The following MALRD1 variants were observed in gnomAD, a reference collection of about 807,000 sequenced individuals.
MALRD1 encodes the protein MAM and LDL-receptor class A domain-containing protein 1.
In MALRD1, 247 loss-of-function variants were observed where a neutral mutation model predicts 242.1. That is an observed-to-expected ratio of 1.02 (90% CI 0.92 to 1.13). MALRD1 has a LOEUF of 1.13. Ranked by LOEUF, MALRD1 falls within the 50% of genes most tolerant of loss-of-function variation. The pLI, the probability that MALRD1 is intolerant of heterozygous loss-of-function variation, is 0.00. For synonymous variants in MALRD1, 995 were observed against 866.6 expected (o/e 1.15, Z -2.60); for missense variants, 2,989 against 2,533.1 (o/e 1.18, Z -3.86).
At chr10:19,237,563 T>C (rs942016516) in intron 18 of MALRD1, among the ~76,000 whole-genome samples, 3 of 121,838 alleles carry the variant, frequency 2.5e-5, no homozygotes, top group African/African-American at 9.3e-5. Context: ...TAATTACACA[T>C]AAAATTATAT....
At chr10:19,188,605 A>G (rs1245753370) in intron 14 of MALRD1, among the ~76,000 whole-genome samples, 1 of 151,992 alleles carries the variant, frequency 6.6e-6, no homozygotes, top group East Asian at 1.9e-4. Flanking sequence ...GTCTGGTTTT[A>G]TTTCTCAGTC....
At chr10:19,266,318 G>C (rs1049419401) in intron 19 of MALRD1, among the ~76,000 whole-genome samples, 5 of 151,560 alleles carry the variant, frequency 3.3e-5, no homozygotes, top group Non-Finnish European at 5.9e-5. Flanking sequence ...CTTCCATTGT[G>C]ATTTGATGAT....
chr10:19,507,789 T>A (rs1833208130), intron 31 of MALRD1, among the ~76,000 whole-genome samples: 1 of 152,184 alleles, frequency 6.6e-6, no homozygotes, highest in Non-Finnish European at 1.5e-5. Flanking sequence ...AATCACCACA[T>A]TGAAAATGTA....
At position 19,059,371 on chromosome 10, in the gene MALRD1, G is replaced by T. The variant is rs191612705; in HGVS notation, c.200-7348G>T. 1.9e-3 allele frequency among the ~76,000 whole-genome samples: 288 copies of T among 151,706 alleles called. 2 individuals are homozygous for T. The highest frequency in any genetic ancestry group is 6.5e-3 in the African/African-American group (270 of 41,250). On this transcript the variant is annotated intron_variant, in intron 1 of 39. Coordinates refer to ENST00000454679, the MANE Select transcript of MALRD1 (RefSeq NM_001142308.3). ...TTATGATTTCAACTTTTCTAAAATA[G>T]CATCTATTGTTTTTGGGGTTTTGTT...
At position 19,204,282 on chromosome 10, in the gene MALRD1, T is replaced by TTG. The variant is rs1836687189; in HGVS notation, c.2105-25_2105-24insGT. On this transcript the variant is annotated intron_variant, in intron 15 of 39. Transcript: ENST00000454679. ...TAGAATCCAATAGGTTAATGAAGCG[T>TTG]TTTTTTTTTTTTTTTATCTCAACAG... The TTG allele has an allele frequency of 1.3e-4, 42 of 312,150 alleles. No individual in the cohort carries two copies. In the South Asian group the frequency reaches 2.6e-3, roughly 19 times the overall value. The allele number at this position is 312,150 out of a possible 1,614,324, so 19.3% of individuals were successfully genotyped here. A position where few individuals can be genotyped will look rare whatever the true frequency, so the allele number is the denominator to read the frequency against.
intron 31 of MALRD1, among the ~76,000 whole-genome samples, chr10:19,509,924 G>GAT (rs1833316514): frequency 6.7e-6 from 1 of 149,548 alleles, no homozygotes; most frequent in East Asian, 2.0e-4. Flanking sequence ...GGGCCCAGGG[G>GAT]ACCGGCGCTC....
intron 36 of MALRD1, among the ~76,000 whole-genome samples, chr10:19,618,488 G>A (rs1452517774): frequency 6.6e-6 from 1 of 152,012 alleles, no homozygotes. Flanking sequence ...AACCTTGCTA[G>A]CATCTGATAT....
chr10:19,375,851 C>A (rs2130765893), intron 26 of MALRD1, among the ~76,000 whole-genome samples: 1 of 152,354 alleles, frequency 6.6e-6, no homozygotes, highest in East Asian at 1.9e-4. Flanking sequence ...CGGCCAGACA[C>A]ATTGGCTCAT....
chr10:19,117,640 A>G (rs1025960215), intron 5 of MALRD1, among the ~76,000 whole-genome samples: 2 of 152,204 alleles, frequency 1.3e-5, no homozygotes, highest in African/African-American at 2.4e-5. Flanking sequence ...TTTATTGCCA[A>G]CATTCCCTTA....
chr10:19,583,686 T>G (rs1589266656), intron 33 of MALRD1, among the ~76,000 whole-genome samples: 1 of 152,178 alleles, frequency 6.6e-6, no homozygotes, highest in Admixed American at 6.5e-5. Context: ...TAAAATTCTC[T>G]TTTTTGGTTG....
At chr10:19,446,977 A>G (rs1436928700) in intron 28 of MALRD1, among the ~76,000 whole-genome samples, 1 of 152,074 alleles carries the variant, frequency 6.6e-6, no homozygotes, top group Non-Finnish European at 1.5e-5. Context: ...AAGTAACGAC[A>G]TATGTGGAAT....
chr10:19,262,782 A>G (rs1253971738), intron 19 of MALRD1, among the ~76,000 whole-genome samples: 7 of 152,060 alleles, frequency 4.6e-5, no homozygotes, highest in East Asian at 1.9e-4. Context: ...CATCTTACCA[A>G]CATATCTCCA....
chr10:19,491,196 G>T, intron 29 of MALRD1: 1 of 533,300 alleles, frequency 1.9e-6, no homozygotes. Context: ...GGATTTGGTG[G>T]CAGGCTGCAC....
At chr10:19,406,722 T>C (rs899097422) in intron 28 of MALRD1, among the ~76,000 whole-genome samples, 6 of 152,054 alleles carry the variant, frequency 3.9e-5, no homozygotes, top group Admixed American at 1.3e-4. Flanking sequence ...AATAAATAAA[T>C]AAATAAATAA....
At chr10:19,683,263 T>C (rs907280784) in intron 36 of MALRD1, among the ~76,000 whole-genome samples, 1 of 152,228 alleles carries the variant, frequency 6.6e-6, no homozygotes, top group Non-Finnish European at 1.5e-5. Context: ...AGCCTGCCTT[T>C]GTTAGATCCA....
intron 20 of MALRD1, among the ~76,000 whole-genome samples, chr10:19,281,414 A>G (rs1201960031): frequency 2.0e-5 from 3 of 152,222 alleles, no homozygotes; most frequent in African/African-American, 7.2e-5. Flanking sequence ...TCTAAGTTCA[A>G]CTTTGCCGTT....
rs148800093 is a variant in MALRD1 at position 19,348,992 on chromosome 10, C to T, written c.4149+974C>T. 7.2e-3 allele frequency among the ~76,000 whole-genome samples: 1,097 copies of T among 152,242 alleles called. 20 individuals are homozygous for T. The highest frequency in any genetic ancestry group is 0.025 in the African/African-American group (1,028 of 41,536). On this transcript the variant is annotated intron_variant, in intron 25 of 39. Coordinates refer to ENST00000454679, the MANE Select transcript of MALRD1 (RefSeq NM_001142308.3). Reference sequence around the variant, plus strand: ...CCCTTCCCCTTCCCTTCAACAGTCTCACTCTGTCGCCCAGGCTGGAGTGCA... The same window carrying T: ...CCCTTCCCCTTCCCTTCAACAGTCTTACTCTGTCGCCCAGGCTGGAGTGCA...
At chr10:19,300,881 C>T (rs1417889519) in intron 21 of MALRD1, among the ~76,000 whole-genome samples, 1 of 152,000 alleles carries the variant, frequency 6.6e-6, no homozygotes, top group Non-Finnish European at 1.5e-5. Context: ...AACTAAAGAC[C>T]TTATGCACAG....
chr10:19,545,146 G>A (rs1323106456), intron 32 of MALRD1, among the ~76,000 whole-genome samples: 1 of 152,086 alleles, frequency 6.6e-6, no homozygotes, highest in African/African-American at 2.4e-5. Context: ...TTCCCTCTAT[G>A]CAGGCATATC....
Sources: gnomAD v4.1 joint callset for allele counts (sites outside exome capture counted in the v4.1 genomes callset) on GRCh38, gnomAD v4.1.1 for gene constraint, MANE v1.5 for transcripts, NCBI Gene and HGNC (gene_info 2026-07-23, HGNC 2026-07-21) for gene names.